CIROP: variants seen among roughly 807,000 people sequenced by gnomAD.
The protein encoded by CIROP is ciliated left-right organizer metallopeptidase.
At chr14:23,100,017 G>T in the CIROP span, 1 of 166,468 alleles carries the variant, frequency 6.0e-6, no homozygotes, top group Admixed American at 6.5e-5. Flanking sequence ...AGCACTTTGG[G>T]AGGCAGAGGC....
At chr14:23,099,387 T>G in the CIROP span, 1 of 413,414 alleles carries the variant, frequency 2.4e-6, no homozygotes, top group Non-Finnish European at 4.4e-6. Context: ...TCTGGTAGGC[T>G]GTGGTTCCCA....
At chr14:23,104,285 G>A in the CIROP span, 3 of 688,086 alleles carry the variant, frequency 4.4e-6, no homozygotes, top group Non-Finnish European at 8.0e-6. Flanking sequence ...CTGGGTTCAA[G>A]AGGCTGCACC....
the CIROP span, chr14:23,101,268 A>G: frequency 2.2e-6 from 1 of 455,828 alleles, no homozygotes; most frequent in Non-Finnish European, 3.9e-6. Context: ...AGTATGCTGC[A>G]ACTACTACTC....
the CIROP span, chr14:23,104,523 T>A: frequency 2.8e-6 from 2 of 702,912 alleles, no homozygotes. Context: ...ATTCCAGTTC[T>A]CTTTCTGGGC....
chr14:23,099,113 G>C, the CIROP span: 1 of 408,032 alleles, frequency 2.5e-6, no homozygotes, highest in Non-Finnish European at 4.5e-6. Context: ...TGGATCTTTA[G>C]AACTGTAAAA....
the CIROP span, chr14:23,104,649 G>T: frequency 1.4e-6 from 1 of 702,832 alleles, no homozygotes; most frequent in East Asian, 2.7e-5. Context: ...TGCGGCCAGG[G>T]CTCGGGATCC....
the CIROP span, among the ~76,000 whole-genome samples, chr14:23,104,026 CTAAG>C: frequency 1.3e-5 from 2 of 152,186 alleles, no homozygotes; most frequent in Non-Finnish European, 2.9e-5. Context: ...GTTAAGCACA[CTAAG>C]TAACTCTGAT....
chr14:23,103,967 C>T, the CIROP span: 1 of 591,586 alleles, frequency 1.7e-6, no homozygotes, highest in Non-Finnish European at 3.0e-6. Context: ...CACCCCCAGT[C>T]TCTGATTTAA....
chr14:23,100,366 G>T, the CIROP span: 1 of 411,776 alleles, frequency 2.4e-6, no homozygotes, highest in Non-Finnish European at 4.4e-6. Context: ...GGGACTGGAT[G>T]ATCGTGTTAG....
the CIROP span, chr14:23,104,901 A>G: frequency 1.8e-6 from 1 of 568,590 alleles, no homozygotes; most frequent in Non-Finnish European, 3.1e-6. Context: ...CAGCAGCAGC[A>G]GCAGCAGCAG....
At chr14:23,100,348 G>A in the CIROP span, 2 of 410,628 alleles carry the variant, frequency 4.9e-6, no homozygotes, top group Non-Finnish European at 8.9e-6. Context: ...AGGGAGTCAG[G>A]TAGTGACGGG....
the CIROP span, chr14:23,103,343 G>T: frequency 2.7e-6 from 1 of 371,128 alleles, no homozygotes. Flanking sequence ...GAGCCCAAGA[G>T]TTTGAGACAC....
At chr14:23,101,674 T>C in the CIROP span, 1 of 703,010 alleles carries the variant, frequency 1.4e-6, no homozygotes, top group South Asian at 1.5e-5. Context: ...CTCACCCCAT[T>C]GGCTAAGGGC....
the CIROP span, chr14:23,103,930 G>C: frequency 1.6e-6 from 1 of 606,932 alleles, no homozygotes; most frequent in East Asian, 2.8e-5. Flanking sequence ...TATCTAGGCA[G>C]CTGGCTAGAA....
the CIROP span, chr14:23,104,909 C>A: frequency 5.8e-6 from 4 of 689,414 alleles, no homozygotes; most frequent in Middle Eastern, 4.8e-4. Flanking sequence ...GCAGCAGCAG[C>A]AGCAGCAGCA....
chr14:23,101,128 TCTTC>T, the CIROP span: 3 of 402,324 alleles, frequency 7.5e-6, no homozygotes, highest in Non-Finnish European at 1.3e-5. Context: ...CCTGTTCAAG[TCTTC>T]CTTCTAAGGA....
chr14:23,099,269 G>A, the CIROP span: 1 of 413,368 alleles, frequency 2.4e-6, no homozygotes, highest in East Asian at 3.6e-5. Context: ...CCCCTGTCAT[G>A]TTCTGGGCAA....
chr14:23,099,534 C>T, the CIROP span: 1 of 406,506 alleles, frequency 2.5e-6, no homozygotes, highest in East Asian at 3.6e-5. Context: ...AATGCCTAGC[C>T]TTAGTAGATA....
At chr14:23,100,409 A>G in the CIROP span, 2 of 412,516 alleles carry the variant, frequency 4.8e-6, no homozygotes, top group Non-Finnish European at 8.8e-6. Context: ...AACCCTGTCT[A>G]GGACAATATA....
Sources: gnomAD v4.1 joint callset for allele counts (sites outside exome capture counted in the v4.1 genomes callset) on GRCh38, gnomAD v4.1.1 for gene constraint, MANE v1.5 for transcripts, NCBI Gene and HGNC (gene_info 2026-07-23, HGNC 2026-07-21) for gene names.